The following RELN variants were observed in gnomAD, a reference collection of about 807,000 sequenced individuals.
RELN encodes the protein reelin.
Under a neutral mutation model 427.6 loss-of-function variants are expected in RELN, and 108 were observed. That is an observed-to-expected ratio of 0.25 (90% CI 0.22 to 0.30). RELN has a LOEUF of 0.30. Ranked by LOEUF, RELN falls within the 10% of genes least tolerant of loss-of-function variation. RELN has a pLI of 1.00. For synonymous variants in RELN, 1,524 were observed against 1,513.4 expected (o/e 1.01, Z -0.16); for missense variants, 3,715 against 4,302.8 (o/e 0.86, Z 3.82).
At position 103,593,902 on chromosome 7, in the gene RELN, TAAAAC is replaced by T. The variant is rs1452272063; in HGVS notation, c.3712-25_3712-21del. ...AAAGTTCTAATAGAAACAATACAAA[TAAAAC>T]AAAAGGCAATTTGATAGCTTTGAAA... On this transcript the variant is annotated intron_variant, in intron 26 of 64. Coordinates refer to ENST00000428762, the MANE Select transcript of RELN (RefSeq NM_005045.4). The T allele has an allele frequency of 6.3e-7, 1 of 1,583,940 alleles. No homozygotes were observed. The highest frequency in any genetic ancestry group is 8.7e-7 in the Non-Finnish European group (1 of 1,153,728).
At chr7:103,618,853 C>G (rs887390309) in intron 20 of RELN, among the ~76,000 whole-genome samples, 8 of 152,142 alleles carry the variant, frequency 5.3e-5, no homozygotes, top group African/African-American at 1.9e-4. Context: ...TGGCTCACAC[C>G]TGTAATCCCA....
At chr7:103,894,426 A>G (rs1794915723) in intron 2 of RELN, among the ~76,000 whole-genome samples, 3 of 152,200 alleles carry the variant, frequency 2.0e-5, no homozygotes, top group South Asian at 2.1e-4. Flanking sequence ...CAAGCAGTGC[A>G]TATTAAATGC....
intron 16 of RELN, among the ~76,000 whole-genome samples, chr7:103,643,983 A>T (rs1338939226): frequency 1.3e-5 from 2 of 151,962 alleles, no homozygotes; most frequent in African/African-American, 4.8e-5. Context: ...TCAGCATTTG[A>T]TAAAGCCACT....
At chr7:103,490,433 A>G (rs1040948555) in intron 59 of RELN, among the ~76,000 whole-genome samples, 1 of 152,182 alleles carries the variant, frequency 6.6e-6, no homozygotes, top group African/African-American at 2.4e-5. Flanking sequence ...AAGTCAAAGG[A>G]AATCTGAGAT....
At chr7:103,745,166 C>A (rs13308879) in intron 6 of RELN, among the ~76,000 whole-genome samples, 32,894 of 151,422 alleles carry the variant, frequency 0.22, 4,719 homozygotes, top group African/African-American at 0.41. Flanking sequence ...GACAAAAACC[C>A]CATGATTATC....
intron 10 of RELN, among the ~76,000 whole-genome samples, chr7:103,684,831 C>T (rs939344190): frequency 6.6e-6 from 1 of 152,018 alleles, no homozygotes; most frequent in African/African-American, 2.4e-5. Flanking sequence ...TTTTCAAAAC[C>T]ATGCTATTAT....
intron 10 of RELN, 119 bp from the exon 11 acceptor site, chr7:103,682,380 C>T (rs1833674460): frequency 9.8e-7 from 1 of 1,020,962 alleles, no homozygotes; most frequent in Non-Finnish European, 1.5e-6. Flanking sequence ...CTATGATGGA[C>T]TCTCAAATCA....
chr7:103,915,513 C>A (rs1421795774), intron 2 of RELN, among the ~76,000 whole-genome samples: 1 of 152,058 alleles, frequency 6.6e-6, no homozygotes, highest in African/African-American at 2.4e-5. Flanking sequence ...ATTTCTGATT[C>A]ACTGTGTTTG....
At chr7:103,882,172 A>C (rs1003524403) in intron 2 of RELN, among the ~76,000 whole-genome samples, 1 of 152,240 alleles carries the variant, frequency 6.6e-6, no homozygotes, top group African/African-American at 2.4e-5. Context: ...GCTATGTTAA[A>C]CTGCTGTTTC....
At chr7:103,899,013 C>T (rs1795022166) in intron 2 of RELN, among the ~76,000 whole-genome samples, 1 of 151,540 alleles carries the variant, frequency 6.6e-6, no homozygotes, top group Non-Finnish European at 1.5e-5. Flanking sequence ...CTGTCCCATA[C>T]AAAACTAGTT....
rs1472749720 is a variant in RELN, at chr7:103,596,661, C to A, written c.3334G>T (p.Ala1112Ser). Residue 1112 changes from alanine (A) to serine (S), a missense_variant and splice_region_variant, in exon 25 of 65, where the codon GCT (alanine) becomes TCT (serine). By Grantham distance (99) the Ala-to-Ser change is moderately conservative (BLOSUM62 1). Around this residue, in one of 4 missense-constraint regions of RELN, gnomAD observed 2,208 missense variants for 2,361.7 expected, o/e 0.93. Coordinates refer to ENST00000428762, the MANE Select transcript of RELN (RefSeq NM_005045.4). Reference sequence around the variant, plus strand: ...CAACTCACCAGCTGTCTTTTCCCAGCCTTTCAGAAAAGAAGAAAAATCAAA... The same window carrying A: ...CAACTCACCAGCTGTCTTTTCCCAGACTTTCAGAAAAGAAGAAAAATCAAA... The part of the protein sequence containing the change: ...SSGSSLYFSK[A>S]GKRQLVSWDL... The A allele has an allele frequency of 2.5e-6, 4 of 1,613,646 alleles. No individual in the cohort carries two copies. Among genetic ancestry groups the A allele is most frequent in the Non-Finnish European group, 3.4e-6 (4 of 1,179,632 alleles).
intron 3 of RELN, among the ~76,000 whole-genome samples, chr7:103,809,661 C>G (rs1459272108): frequency 6.6e-6 from 1 of 152,074 alleles, no homozygotes; most frequent in Non-Finnish European, 1.5e-5. Context: ...AGTCTTTGAC[C>G]CGTCTGGGCT....
intron 34 of RELN, among the ~76,000 whole-genome samples, chr7:103,564,076 C>T (rs1276129268): frequency 6.6e-6 from 1 of 152,310 alleles, no homozygotes; most frequent in African/African-American, 2.4e-5. Flanking sequence ...TCAGCTTATT[C>T]ATGTAGTACC....
rs531070307 is a variant in RELN, at chr7:103,988,023, C to T, written c.226+1108G>A. The stretch of plus-strand genomic sequence containing the variant: ...TTGTCTATCTTAAGTGCTAGCACCC[C>T]GTAGATTATCTCCCGCCATGCCAAT... On this transcript the variant is annotated intron_variant, in intron 1 of 64. Coordinates refer to ENST00000428762, the MANE Select transcript of RELN (RefSeq NM_005045.4). The surrounding 1 kb of genome is among the most constrained non-coding windows in gnomAD (Gnocchi z 4.9). Among the ~76,000 whole-genome samples the T allele has an allele frequency of 6.6e-6, 1 of 152,034 alleles. No homozygotes were observed. Among genetic ancestry groups the T allele is most frequent in the East Asian group, 1.9e-4 (1 of 5,192 alleles).
chr7:103,713,309 T>C (rs530551952), intron 8 of RELN, among the ~76,000 whole-genome samples: 7 of 152,272 alleles, frequency 4.6e-5, no homozygotes, highest in African/African-American at 9.6e-5. Flanking sequence ...AGAAAGATCA[T>C]AAAGTTATAG....
At chr7:103,917,039 A>G in intron 2 of RELN, 36 bp downstream of exon 2, 1 of 1,457,832 alleles carries the variant, frequency 6.9e-7, no homozygotes, top group Non-Finnish European at 9.6e-7. Context: ...ACTGTATAAA[A>G]TACCCCCAAA....
At chr7:103,880,254 T>A (rs2116557177) in intron 2 of RELN, among the ~76,000 whole-genome samples, 1 of 152,204 alleles carries the variant, frequency 6.6e-6, no homozygotes, top group African/African-American at 2.4e-5. Flanking sequence ...TGTAATTTAT[T>A]AGTAGCTTTC....
intron 38 of RELN, among the ~76,000 whole-genome samples, chr7:103,555,093 C>A (rs1349729584): frequency 1.3e-5 from 2 of 152,012 alleles, no homozygotes; most frequent in Non-Finnish European, 1.5e-5. Flanking sequence ...GGGAAATCAC[C>A]CTTTATACTG....
intron 31 of RELN, among the ~76,000 whole-genome samples, chr7:103,567,954 G>A (rs1460819330): frequency 3.3e-5 from 5 of 151,760 alleles, no homozygotes; most frequent in East Asian, 1.9e-4. Flanking sequence ...GTGCCACCTC[G>A]CTCGGCTAAT....
Sources: allele counts gnomAD v4.1 joint callset (sites outside exome capture counted in the v4.1 genomes callset), GRCh38; gene constraint gnomAD v4.1.1; regional missense constraint gnomAD v4.1.1; non-coding constraint Gnocchi (gnomAD v3.1); transcripts MANE v1.5; gene names NCBI Gene and HGNC (gene_info 2026-07-23, HGNC 2026-07-21).